PLCD1: variants seen among roughly 807,000 people sequenced by gnomAD.
PLCD1 encodes the protein phospholipase C delta 1.
PLCD1 carries 71 observed loss-of-function variants against 87.4 expected under a neutral mutation model. The observed-to-expected ratio is 0.81, with a 90% CI of 0.67 to 0.99. PLCD1 has a LOEUF of 0.99. Ranked by LOEUF, PLCD1 falls within the 50% of genes least tolerant of loss-of-function variation. The pLI is 0.00. For synonymous variants in PLCD1, 348 were observed against 399.2 expected (o/e 0.87, Z 1.53); for missense variants, 867 against 1,001.5 (o/e 0.87, Z 1.81).
intron 1 of PLCD1, among the ~76,000 whole-genome samples, chr3:38,029,061 C>G (rs1226583486): frequency 6.6e-6 from 1 of 152,268 alleles, no homozygotes; most frequent in Non-Finnish European, 1.5e-5. Flanking sequence ...CACACCCGCG[C>G]GGCCTGACGC....
At chr3:38,029,433 G>C in intron 1 of PLCD1, 73 bp downstream of exon 1, 1 of 1,381,916 alleles carries the variant, frequency 7.2e-7, no homozygotes, top group Non-Finnish European at 1.0e-6. Flanking sequence ...GGGGCTCCCT[G>C]TCCAGGGCCC....
rs552219700 is a variant in PLCD1, at chr3:38,026,095, C to G, written c.34+3411G>C. Among the ~76,000 whole-genome samples, 5 of 152,282 alleles carry G rather than the reference C, an allele frequency of 3.3e-5. No individual in the cohort carries two copies. The South Asian group carries it at 6.2e-4, about 19-fold the overall frequency. On this transcript the variant is annotated intron_variant, in intron 1 of 14. Coordinates refer to ENST00000334661, the MANE Select transcript of PLCD1 (RefSeq NM_006225.4). Reference sequence around the variant, plus strand: ...AGGGGAAGCAGAGTGCAAAGGGAGCCTGTGTTATGGAGAAACTGCGCAGGG... The same window carrying G: ...AGGGGAAGCAGAGTGCAAAGGGAGCGTGTGTTATGGAGAAACTGCGCAGGG...
intron 3 of PLCD1, among the ~76,000 whole-genome samples, chr3:38,014,948 T>A (rs1700133488): frequency 6.6e-6 from 1 of 152,186 alleles, no homozygotes; most frequent in African/African-American, 2.4e-5. Flanking sequence ...GTGTCTATAA[T>A]CAAGACAAAT....
chr3:38,027,843 G>A (rs1191154335), intron 1 of PLCD1, among the ~76,000 whole-genome samples: 1 of 152,242 alleles, frequency 6.6e-6, no homozygotes, highest in Non-Finnish European at 1.5e-5. Context: ...TGGACAGAAG[G>A]CAGTTGAGGT....
rs2125547699 is a variant in PLCD1, at chr3:38,016,471, C to T, written c.428+20G>A. 1 of 1,551,302 alleles carries T rather than the reference C, an allele frequency of 6.4e-7. No homozygotes were observed. Among genetic ancestry groups the T allele is most frequent in the African/African-American group, 1.4e-5 (1 of 73,810 alleles). ...AGTGTCCACAAGCCAGGCCTGGACC[C>T]ACTGCCACCAAAAGGATACTGCTGT... On this transcript the variant is annotated intron_variant, in intron 3 of 14. Coordinates refer to ENST00000334661, the MANE Select transcript of PLCD1 (RefSeq NM_006225.4).
chr3:38,007,517 T>C lies in PLCD1; in HGVS notation c.*256A>G, dbSNP rs991852866. ...AGGCTTAATCTTATCGTGATTTTTA[T>C]AAAAATCCTTGACCACTCGCTGGCC... On this transcript the variant is annotated 3_prime_UTR_variant, in exon 15 of 15. Coordinates refer to ENST00000334661, the MANE Select transcript of PLCD1 (RefSeq NM_006225.4). 2 of 654,796 alleles carry C rather than the reference T, an allele frequency of 3.1e-6. No homozygotes were observed. The highest frequency in any genetic ancestry group is 3.8e-5 in the African/African-American group (2 of 52,712). The allele number at this position is 654,796 out of a possible 1,614,324, so 40.6% of individuals were successfully genotyped here. A position where few individuals can be genotyped will look rare whatever the true frequency, so the allele number is the denominator to read the frequency against.
chr3:38,024,789 A>C, intron 1 of PLCD1: 2 of 1,256,902 alleles, frequency 1.6e-6, no homozygotes, highest in Non-Finnish European at 2.1e-6. Context: ...CGAGAAGAAA[A>C]TCTGGGCTAA....
chr3:38,009,967 G>A lies in PLCD1; in HGVS notation c.1224C>T (p.Ile408=), dbSNP rs1398322257. The change falls in exon 8 of 15, where the codon ATC becomes ATT. Residue 408 remains isoleucine, a synonymous_variant. Coordinates refer to ENST00000334661, the MANE Select transcript of PLCD1 (RefSeq NM_006225.4). ...GTCGGTTCAACAGCATGGGGCCCAG[G>A]ATGGCATGCAGGTGCCGCGCCATCA... is the stretch of plus-strand genomic sequence containing the variant. ...QRVMARHLHA[I]LGPMLLNRPL... is the part of the protein sequence containing the mutation. 4 of 1,613,808 alleles carry A rather than the reference G, an allele frequency of 2.5e-6. No individual in the cohort carries two copies. Among genetic ancestry groups the A allele is most frequent in the East Asian group, 4.5e-5 (2 of 44,892 alleles).
chr3:38,029,552 G>T lies in PLCD1; in HGVS notation c.-13C>A. 1 of 1,536,874 alleles carries T rather than the reference G, an allele frequency of 6.5e-7. No individual in the cohort carries two copies. On this transcript the variant is annotated 5_prime_UTR_variant, in exon 1 of 15. Transcript: ENST00000334661. ...GGCCCGAGTCCATGCCCGACGGGCG[G>T]CGCGGCGGGAGGGGCACCGCGGGAC...
chr3:38,020,967 T>C (rs1700225282), intron 1 of PLCD1, among the ~76,000 whole-genome samples: 1 of 152,184 alleles, frequency 6.6e-6, no homozygotes, highest in South Asian at 2.1e-4. Flanking sequence ...GGGCCTCTGC[T>C]TTCCTGTCTA....
Position 38,007,677 on chromosome 3 carries a change from T to A in PLCD1, c.*96A>T. The stretch of plus-strand genomic sequence containing the variant: ...TGAAGGCAATTTGGGGGCCTAGCTC[T>A]GAGCAAGAGGCTGGGAGCAGCCACA... On this transcript the variant is annotated 3_prime_UTR_variant, in exon 15 of 15. Coordinates refer to ENST00000334661, the MANE Select transcript of PLCD1 (RefSeq NM_006225.4). 1 of 956,884 alleles carries A rather than the reference T, an allele frequency of 1.0e-6. No individual in the cohort carries two copies. The highest frequency in any genetic ancestry group is 1.7e-6 in the Non-Finnish European group (1 of 594,856). The allele number at this position is 956,884 out of a possible 1,614,324, so 59.3% of individuals were successfully genotyped here.
intron 11 of PLCD1, 22 bp from the exon 12 acceptor site, chr3:38,008,658 C>A (rs776766242): frequency 7.4e-6 from 12 of 1,612,300 alleles, no homozygotes; most frequent in Non-Finnish European, 6.8e-6. Flanking sequence ...ACAGAGCAGT[C>A]ACAGGCTGTG....
Position 38,009,767 on chromosome 3 carries a change from C to T in PLCD1, c.1332G>A (p.Gly444=), listed in dbSNP as rs747307152. 1.1e-5 allele frequency: 17 copies of T among 1,613,872 alleles called. No individual in the cohort carries two copies. The South Asian group carries it at 1.2e-4, about 11-fold the overall frequency. The change falls in exon 9 of 15, where the codon GGG becomes GGA. Residue 444 remains glycine (G), a synonymous_variant. Coordinates refer to ENST00000334661, the MANE Select transcript of PLCD1 (RefSeq NM_006225.4). The part of the protein sequence containing the change: ...KILLKGKKLG[G]LLPPGGEGGP... The stretch of plus-strand genomic sequence containing the variant: ...CACCCTCCCCTCCAGGGGGCAGGAG[C>T]CCCCCGAGCTTCTTCCCCTTCAGCA...
chr3:38,021,113 C>T (rs1196433423), intron 1 of PLCD1, among the ~76,000 whole-genome samples: 1 of 152,132 alleles, frequency 6.6e-6, no homozygotes, highest in African/African-American at 2.4e-5. Context: ...TGTGGGACCC[C>T]TATGCCCATC....
At position 38,018,807 on chromosome 3, in the gene PLCD1, T is replaced by A. The variant is rs1700193160; in HGVS notation, c.199+1381A>T. Among the ~76,000 whole-genome samples the A allele has an allele frequency of 6.6e-6, 1 of 151,974 alleles. No homozygotes were observed. Among genetic ancestry groups the A allele is most frequent in the African/African-American group, 2.4e-5 (1 of 41,378 alleles). On this transcript the variant is annotated intron_variant, in intron 2 of 14. Coordinates refer to ENST00000334661, the MANE Select transcript of PLCD1 (RefSeq NM_006225.4). The surrounding 1 kb of genome is among the most constrained non-coding windows in gnomAD (Gnocchi z 5.7). ...AGAAAAGGTCAGGCGGTCACTCCTGTACAGTGTGGCAGCAGGCTGAGCTGG... is the reference window on the plus strand; with the variant it reads ...AGAAAAGGTCAGGCGGTCACTCCTGAACAGTGTGGCAGCAGGCTGAGCTGG...
At chr3:38,014,841 A>G (rs1297395419) in intron 3 of PLCD1, among the ~76,000 whole-genome samples, 1 of 152,264 alleles carries the variant, frequency 6.6e-6, no homozygotes, top group African/African-American at 2.4e-5. Context: ...TTCTCCAAAG[A>G]AGATATATAA....
At position 38,009,533 on chromosome 3, in the gene PLCD1, A is replaced by C. The variant is rs573707483; in HGVS notation, c.1447-102T>G. 1.2e-5 allele frequency: 19 copies of C among 1,556,918 alleles called. No homozygotes were observed. The East Asian group carries it at 4.1e-4, about 33-fold the overall frequency. On this transcript the variant is annotated intron_variant, in intron 9 of 14. Coordinates refer to ENST00000334661, the MANE Select transcript of PLCD1 (RefSeq NM_006225.4). ...CGCAGAGAGACAGAGGGAGACAGAC[A>C]GAGAGAGCGGGGCAGAGGGTCTGAG...
At chr3:38,011,769 A>T (rs1700082045) in intron 3 of PLCD1, 96 bp from the exon 4 acceptor site, 2 of 1,210,508 alleles carry the variant, frequency 1.7e-6, no homozygotes, top group Non-Finnish European at 2.4e-6. Flanking sequence ...ACCTATAGCC[A>T]CAGCTCCCTG....
intron 1 of PLCD1, among the ~76,000 whole-genome samples, chr3:38,026,198 C>A (rs1700306559): frequency 6.6e-6 from 1 of 152,126 alleles, no homozygotes; most frequent in Non-Finnish European, 1.5e-5. Flanking sequence ...CCTTTGAATT[C>A]TTATGTATTT....
Sources: allele counts gnomAD v4.1 joint callset (sites outside exome capture counted in the v4.1 genomes callset), GRCh38; gene constraint gnomAD v4.1.1; non-coding constraint Gnocchi (gnomAD v3.1); transcripts MANE v1.5; gene names NCBI Gene and HGNC (gene_info 2026-07-23, HGNC 2026-07-21).